The following KCNT1 variants were observed in gnomAD, a reference collection of about 807,000 sequenced individuals.
KCNT1 encodes the protein potassium sodium-activated channel subfamily T member 1.
In KCNT1, 78 loss-of-function variants were observed where a neutral mutation model predicts 147.8. The observed-to-expected ratio is 0.53, with a 90% CI of 0.44 to 0.64. The LOEUF is 0.64. Ranked by LOEUF, KCNT1 falls within the 30% of genes least tolerant of loss-of-function variation. The pLI is 0.00. For missense variants in KCNT1, 1,419 were observed against 1,750.3 expected, an observed-to-expected ratio of 0.81 and a Z score of 3.38; for synonymous variants, 867 against 748.8, an observed-to-expected ratio of 1.16 and a Z score of -2.58.
At chr9:135,781,507 C>A (rs1833607132) in intron 24 of KCNT1, among the ~76,000 whole-genome samples, 1 of 152,188 alleles carries the variant, frequency 6.6e-6, no homozygotes, top group Admixed American at 6.5e-5. Context: ...TCTGACGGGC[C>A]AGCATACGGT....
intron 29 of KCNT1, among the ~76,000 whole-genome samples, chr9:135,786,923 C>CA (rs751666409): frequency 1.2e-4 from 18 of 152,212 alleles, no homozygotes; most frequent in Non-Finnish European, 2.1e-4. Context: ...TGGAGAGGGC[C>CA]AGGCTGGGCT....
rs549070580 is a variant in KCNT1 at position 135,792,389 on chromosome 9, C to T, written c.*228C>T. ...GAGAGTTTTTTAACCTATTTTTACA[C>T]GTCGATGCAGTCCACTTCTCTTTAC... On this transcript the variant is annotated 3_prime_UTR_variant, in exon 31 of 31. Coordinates refer to ENST00000371757, the MANE Select transcript of KCNT1 (RefSeq NM_020822.3). 7.3e-5 allele frequency: 35 copies of T among 481,820 alleles called. No individual in the cohort carries two copies. Among genetic ancestry groups the T allele is most frequent in the South Asian group, 2.0e-4 (9 of 45,016 alleles). The allele number at this position is 481,820 out of a possible 1,614,324, so 29.8% of individuals were successfully genotyped here. A position where few individuals can be genotyped will look rare whatever the true frequency, so the allele number is the denominator to read the frequency against.
intron 24 of KCNT1, among the ~76,000 whole-genome samples, chr9:135,779,914 G>A (rs1001505939): frequency 3.9e-5 from 6 of 152,348 alleles, no homozygotes; most frequent in South Asian, 4.1e-4. Context: ...TGGCCACTAC[G>A]CCCGACCTTG....
At chr9:135,769,447 A>C (rs1045852357) in intron 15 of KCNT1, among the ~76,000 whole-genome samples, 3 of 152,190 alleles carry the variant, frequency 2.0e-5, no homozygotes, top group African/African-American at 7.2e-5. Flanking sequence ...GCAGACCCCC[A>C]TCCTCACCGC....
chr9:135,765,121 C>T lies in KCNT1; in HGVS notation c.1126C>T (p.Leu376=). Residue 376 remains leucine, a synonymous_variant, in exon 12 of 31, where the codon CTG becomes TTG. Coordinates refer to ENST00000371757, the MANE Select transcript of KCNT1 (RefSeq NM_020822.3). ...TGCGCAGACGGAGAAGCACGTGGTC[C>T]TGTGTGTCAGCTCCCTCAAGATCGA... ...HRAQTEKHVV[L]CVSSLKIDLL... is the part of the protein sequence containing the mutation. 6.2e-7 allele frequency: 1 copy of T among 1,613,584 alleles called. No individual in the cohort carries two copies. Among genetic ancestry groups the T allele is most frequent in the South Asian group, 1.1e-5 (1 of 91,080 alleles).
At position 135,772,743 on chromosome 9, in the gene KCNT1, A is replaced by G. The variant is rs975071269; in HGVS notation, c.2037A>G (p.Thr679=). Residue 679 remains threonine, a synonymous_variant, in exon 19 of 31, where the codon ACA becomes ACG. Transcript: ENST00000371757. ...MGTVAMDLQG[T]EHRPTQSGGG... ...CAGTGGCCATGGACCTGCAGGGCAC[A>G]GAGCACCGGCCTACGCAGAGCGGCG... The G allele has an allele frequency of 1.4e-6, 2 of 1,432,254 alleles. No individual in the cohort carries two copies. Among genetic ancestry groups the G allele is most frequent in the Non-Finnish European group, 1.8e-6 (2 of 1,089,748 alleles). 88.7% of individuals were successfully genotyped at this position (1,432,254 alleles called of 1,614,324 possible). A position where few individuals can be genotyped will look rare whatever the true frequency, so the allele number is the denominator to read the frequency against.
chr9:135,741,562 G>A (rs763431440), intron 2 of KCNT1, among the ~76,000 whole-genome samples: 12 of 152,244 alleles, frequency 7.9e-5, no homozygotes, highest in African/African-American at 1.4e-4. Flanking sequence ...TGCCTGCTCC[G>A]TGTGGAGCTG....
At chr9:135,728,526 C>T (rs1836309036) in intron 2 of KCNT1, among the ~76,000 whole-genome samples, 2 of 152,194 alleles carry the variant, frequency 1.3e-5, no homozygotes, top group South Asian at 4.1e-4. Context: ...GATTAGGTCT[C>T]CCAAGACTCA....
In KCNT1 at chr9:135,753,949, A is replaced by G; in HGVS notation, c.447A>G (p.Pro149=). ...TGTCTCTCCACAGCTGGGGCTGCCC[A>G]AAGCAGAACTACTCCTTCAATGACT... ...PALGIGCWGC[P]KQNYSFNDSS... is the part of the protein sequence containing the mutation. Residue 149 remains proline, a synonymous_variant, in exon 5 of 31, where the codon CCA becomes CCG. Coordinates refer to ENST00000371757, the MANE Select transcript of KCNT1 (RefSeq NM_020822.3). 1 of 1,614,116 alleles carries G rather than the reference A, an allele frequency of 6.2e-7. No homozygotes were observed. The highest frequency in any genetic ancestry group is 2.2e-5 in the East Asian group (1 of 44,862).
chr9:135,774,051 T>G (rs1343854085), intron 19 of KCNT1, among the ~76,000 whole-genome samples: 2 of 151,682 alleles, frequency 1.3e-5, no homozygotes, highest in East Asian at 3.9e-4. Context: ...GTGTGTGGTG[T>G]ATGTTATGTG....
At chr9:135,720,226 C>T (rs914367744) in intron 2 of KCNT1, among the ~76,000 whole-genome samples, 4 of 151,910 alleles carry the variant, frequency 2.6e-5, no homozygotes, top group South Asian at 4.2e-4. Context: ...CCAGCTGCCC[C>T]GCAGGGACAG....
At chr9:135,771,127 G>A (rs1331678988) in intron 18 of KCNT1, 32 bp downstream of exon 18, 1 of 1,574,868 alleles carries the variant, frequency 6.3e-7, no homozygotes, top group South Asian at 1.1e-5. Flanking sequence ...GGACTCCCTG[G>A]GCCTGCTCCT....
chr9:135,731,957 C>CGTGT (rs1246513348), intron 2 of KCNT1, among the ~76,000 whole-genome samples: 1 of 44,882 alleles, frequency 2.2e-5, no homozygotes, highest in Non-Finnish European at 4.4e-5. Flanking sequence ...TTCAAATATG[C>CGTGT]GTGTATATAT....
intron 4 of KCNT1, chr9:135,753,651 C>G (rs374419939): frequency 2.1e-5 from 11 of 534,648 alleles, no homozygotes; most frequent in Non-Finnish European, 3.4e-5. Flanking sequence ...GGGGCTACCC[C>G]CAATCCCGCA....
chr9:135,785,377 C>T (rs1833958151), intron 28 of KCNT1, 47 bp downstream of exon 28: 1 of 1,611,502 alleles, frequency 6.2e-7, no homozygotes, highest in Admixed American at 1.7e-5. Context: ...AGCACCAGAA[C>T]ATCGCAGCTT....
At chr9:135,740,054 CT>C (rs1263600834) in intron 2 of KCNT1, among the ~76,000 whole-genome samples, 1 of 152,190 alleles carries the variant, frequency 6.6e-6, no homozygotes, top group Non-Finnish European at 1.5e-5. Flanking sequence ...GTGTCCTCTC[CT>C]GGCCGTCCCG....
rs999492333 is a variant in KCNT1 at position 135,720,044 on chromosome 9, C to T, written c.254+5324C>T. ...CGGCATTGCTGGGAACACGGGGCAG[C>T]GGGCCTGCGTGGAGGATGGACCCCT... On this transcript the variant is annotated intron_variant, in intron 2 of 30. Transcript: ENST00000371757. 5.9e-5 allele frequency among the ~76,000 whole-genome samples: 9 copies of T among 152,104 alleles called. No individual in the cohort carries two copies. The South Asian group carries it at 6.2e-4, about 11-fold the overall frequency.
intron 24 of KCNT1, among the ~76,000 whole-genome samples, chr9:135,782,833 A>T (rs1162386150): frequency 6.6e-6 from 1 of 152,232 alleles, no homozygotes; most frequent in Non-Finnish European, 1.5e-5. Flanking sequence ...TCACACGCCC[A>T]TCGCAGCTCA....
rs1318491844 is a variant in KCNT1, at chr9:135,772,713, A to G, written c.2009-2A>G. The G allele has an allele frequency of 7.2e-7, 1 of 1,390,302 alleles. No individual in the cohort carries two copies. The highest frequency in any genetic ancestry group is 1.9e-4 in the Middle Eastern group (1 of 5,312). 86.1% of individuals were successfully genotyped at this position (1,390,302 alleles called of 1,614,324 possible). On this transcript the variant is annotated splice_acceptor_variant, in intron 18 of 30. Transcript: ENST00000371757. LOFTEE classifies it high-confidence loss of function. ...GTGGCCAAGCACAGGGCTCTCTTCC[A>G]GGGACAGTGGCCATGGACCTGCAGG... is the stretch of plus-strand genomic sequence containing the variant.
Sources: allele counts gnomAD v4.1 joint callset (sites outside exome capture counted in the v4.1 genomes callset), GRCh38; gene constraint gnomAD v4.1.1; transcripts MANE v1.5; gene names NCBI Gene and HGNC (gene_info 2026-07-23, HGNC 2026-07-21).